PLCE1: variants seen among roughly 807,000 people sequenced by gnomAD.
PLCE1 encodes phospholipase C epsilon 1.
PLCE1 carries 119 observed loss-of-function variants against 242.8 expected under a neutral mutation model. The observed-to-expected ratio is 0.49, with a 90% CI of 0.42 to 0.57. The LOEUF is 0.57. Ranked by LOEUF, PLCE1 falls within the 20% of genes least tolerant of loss-of-function variation. The probability of loss-of-function intolerance (pLI) is 0.00; values close to 1 mark genes in which losing one functional copy is unlikely to be tolerated. For synonymous variants in PLCE1, 945 were observed against 1,017.4 expected (o/e 0.93, Z 1.35); for missense variants, 2,441 against 2,788.8 (o/e 0.88, Z 2.81).
chr10:94,064,098 A>C (rs2044134887), intron 2 of PLCE1, among the ~76,000 whole-genome samples: 1 of 152,172 alleles, frequency 6.6e-6, no homozygotes, highest in Admixed American at 6.5e-5. Flanking sequence ...CATCATGGCT[A>C]TCCACTGTGT....
At chr10:94,128,300 G>T (rs11187791) in intron 2 of PLCE1, among the ~76,000 whole-genome samples, 1,551 of 152,200 alleles carry the variant, frequency 0.01, 12 homozygotes, top group Middle Eastern at 0.017. Context: ...CCTTGATTTT[G>T]ACAGGTTCCC....
chr10:94,132,304 T>A lies in PLCE1; in HGVS notation c.1337T>A (p.Val446Asp), dbSNP rs187314834. 1 of 1,613,928 alleles carries A rather than the reference T, an allele frequency of 6.2e-7. No homozygotes were observed. The highest frequency in any genetic ancestry group is 2.2e-5 in the East Asian group (1 of 44,848). ...ISVGPCLKQC[V>D]RDTVCEYRAT... ...GTTGGTCCATGCTTAAAGCAATGTG[T>A]CCGAGACACTGTATGTGAGTATCGC... Residue 446 changes from valine to aspartate, a missense_variant, in exon 3 of 33, where the codon GTC becomes GAC. Coordinates refer to ENST00000371380, the MANE Select transcript of PLCE1 (RefSeq NM_016341.4).
Position 94,328,225 on chromosome 10 carries a change from G to A in PLCE1, c.*282G>A. On this transcript the variant is annotated 3_prime_UTR_variant, in exon 33 of 33. Transcript: ENST00000371380. ...ACGAATTGACTTAGAGCAAGGGTCAGCAAGCTTGTCTGTAAAGGGCCAAAC... is the reference window on the plus strand; with the variant it reads ...ACGAATTGACTTAGAGCAAGGGTCAACAAGCTTGTCTGTAAAGGGCCAAAC... The A allele has an allele frequency of 3.5e-6, 1 of 286,884 alleles. No homozygotes were observed. Among genetic ancestry groups the A allele is most frequent in the South Asian group, 3.7e-5 (1 of 27,388 alleles). The allele number at this position is 286,884 out of a possible 1,614,324, so 17.8% of individuals were successfully genotyped here.
chr10:94,233,392 G>T (rs2050207457), intron 5 of PLCE1, among the ~76,000 whole-genome samples: 1 of 152,208 alleles, frequency 6.6e-6, no homozygotes, highest in Non-Finnish European at 1.5e-5. Context: ...AAGAGGGCCA[G>T]ATGGGCCAAG....
chr10:94,022,635 C>T (rs1161656873), intron 1 of PLCE1, among the ~76,000 whole-genome samples: 1 of 151,732 alleles, frequency 6.6e-6, no homozygotes, highest in Non-Finnish European at 1.5e-5. Context: ...CTGTATAGGC[C>T]CCCCTTTTTT....
intron 8 of PLCE1, among the ~76,000 whole-genome samples, chr10:94,249,288 T>A (rs2050793824): frequency 6.6e-6 from 1 of 152,184 alleles, no homozygotes; most frequent in South Asian, 2.1e-4. Context: ...GTTCCCAAAC[T>A]GACTCAGGGA....
In PLCE1 at chr10:94,235,946, T is replaced by G; in HGVS notation, c.2246T>G (p.Phe749Cys). ...GCAGATTACAGTGGACAAGATAATTTCTTACAACGAGTGGGACAAAATGGC... is the reference window on the plus strand; with the variant it reads ...GCAGATTACAGTGGACAAGATAATTGCTTACAACGAGTGGGACAAAATGGC... Reference protein sequence around the residue: ...FVADYSGQDNFLQRVGQNGLK... With the variant: ...FVADYSGQDNCLQRVGQNGLK... Residue 749 changes from phenylalanine to cysteine, a missense_variant, in exon 7 of 33, where the codon TTC becomes TGC. Phe to Cys is a radical substitution (Grantham distance 205, BLOSUM62 -2). Coordinates refer to ENST00000371380, the MANE Select transcript of PLCE1 (RefSeq NM_016341.4). 1 of 1,614,076 alleles carries G rather than the reference T, an allele frequency of 6.2e-7. No individual in the cohort carries two copies. Among genetic ancestry groups the G allele is most frequent in the African/African-American group, 1.3e-5 (1 of 75,036 alleles).
intron 16 of PLCE1, among the ~76,000 whole-genome samples, chr10:94,268,061 T>G (rs2051579195): frequency 6.6e-6 from 1 of 152,176 alleles, no homozygotes; most frequent in Non-Finnish European, 1.5e-5. Context: ...ATGTAATAAT[T>G]TTTTAAGATG....
chr10:94,116,118 CCTTTT>C (rs1424852088), intron 2 of PLCE1, among the ~76,000 whole-genome samples: 1 of 152,154 alleles, frequency 6.6e-6, no homozygotes, highest in Non-Finnish European at 1.5e-5. Flanking sequence ...CTCTCTCCAT[CCTTTT>C]CTTCAAAATT....
At chr10:94,212,432 AT>A (rs1265604286) in intron 4 of PLCE1, among the ~76,000 whole-genome samples, 1 of 151,956 alleles carries the variant, frequency 6.6e-6, no homozygotes, top group Non-Finnish European at 1.5e-5. Flanking sequence ...GATTTTTTGT[AT>A]TTTTAGTAGA....
intron 30 of PLCE1, among the ~76,000 whole-genome samples, chr10:94,322,741 T>C (rs1409775530): frequency 1.3e-5 from 2 of 150,780 alleles, no homozygotes; most frequent in African/African-American, 4.9e-5. Context: ...GCCGAGATCA[T>C]GCCATTGCGC....
rs117665270 is a variant in PLCE1, at chr10:94,234,540, A to G, written c.2214+228A>G. ...AAGTTAGTTTTAATGTATTAGGTTT[A>G]ATATGTAAGTACAAGTCAAAAAGGG... On this transcript the variant is annotated intron_variant, in intron 6 of 32. Transcript: ENST00000371380. Among the ~76,000 whole-genome samples the G allele has an allele frequency of 1.8e-3, 278 of 152,332 alleles. 1 individual carries two copies. The highest frequency in any genetic ancestry group is 3.5e-3 in the Admixed American group (53 of 15,306).
rs370397445 is a variant in PLCE1 at position 94,236,134 on chromosome 10, G to A, written c.2420+14G>A. ...AAGCCGATGGCAGTAAGTTTTACAC[G>A]TTAAAAGTGAGGAATGCTCATCTCT... On this transcript the variant is annotated intron_variant, in intron 7 of 32. Coordinates refer to ENST00000371380, the MANE Select transcript of PLCE1 (RefSeq NM_016341.4). 43 of 1,605,346 alleles carry A rather than the reference G, an allele frequency of 2.7e-5. No homozygotes were observed. The highest frequency in any genetic ancestry group is 1.2e-4 in the South Asian group (11 of 90,788).
At chr10:94,262,190 G>A (rs1467148303) in intron 13 of PLCE1, among the ~76,000 whole-genome samples, 3 of 151,786 alleles carry the variant, frequency 2.0e-5, no homozygotes, top group Non-Finnish European at 4.4e-5. Flanking sequence ...TAGTAGAGAC[G>A]GGGATTCACC....
intron 2 of PLCE1, among the ~76,000 whole-genome samples, chr10:94,046,426 A>T (rs2061884909): frequency 6.6e-6 from 1 of 152,232 alleles, no homozygotes; most frequent in South Asian, 2.1e-4. Context: ...TTGAGCCAGG[A>T]ACCCCAGGCT....
intron 2 of PLCE1, among the ~76,000 whole-genome samples, chr10:94,078,384 A>G (rs541129038): frequency 3.9e-5 from 6 of 152,184 alleles, no homozygotes; most frequent in Non-Finnish European, 4.4e-5. Context: ...TTTTAGTCCT[A>G]TGAAGAAAAA....
At chr10:94,246,742 G>T in intron 8 of PLCE1, 121 bp downstream of exon 8, 7 of 900,094 alleles carry the variant, frequency 7.8e-6, no homozygotes. Context: ...GTGACCTTGG[G>T]CAGCTTTTAC....
At chr10:94,181,727 G>A (rs1437811625) in intron 4 of PLCE1, among the ~76,000 whole-genome samples, 1 of 152,054 alleles carries the variant, frequency 6.6e-6, no homozygotes, top group Non-Finnish European at 1.5e-5. Context: ...AGAAGTTCAA[G>A]ACCAACATAG....
At chr10:94,044,610 A>G (rs974503625) in intron 2 of PLCE1, among the ~76,000 whole-genome samples, 1 of 152,216 alleles carries the variant, frequency 6.6e-6, no homozygotes, top group Non-Finnish European at 1.5e-5. Flanking sequence ...GCACTCACAA[A>G]CTCAGAATGC....
Sources: allele counts gnomAD v4.1 joint callset (sites outside exome capture counted in the v4.1 genomes callset), GRCh38; gene constraint gnomAD v4.1.1; transcripts MANE v1.5; gene names NCBI Gene and HGNC (gene_info 2026-07-23, HGNC 2026-07-21).